ATXN10: variants seen among roughly 807,000 people sequenced by gnomAD.
ATXN10 encodes the protein ataxin 10.
Under a neutral mutation model 52.9 loss-of-function variants are expected in ATXN10, and 28 were observed. That is an observed-to-expected ratio of 0.53 (90% CI 0.39 to 0.73). The LOEUF (loss-of-function observed/expected upper bound fraction) is 0.73, where lower values mean the gene tolerates loss of function less well. Among genes scored for constraint, ATXN10 ranks in the 30% least tolerant of loss-of-function variants. ATXN10 has a pLI of 0.00. For missense variants in ATXN10, 565 were observed against 577.0 expected, an observed-to-expected ratio of 0.98 and a Z score of 0.21; for synonymous variants, 226 against 221.5, an observed-to-expected ratio of 1.02 and a Z score of -0.18.
At position 45,688,719 on chromosome 22, in the gene ATXN10, GA is replaced by G. The variant is rs1923247253; in HGVS notation, c.117-990del. ...TGCTGGTCTGGCTCAATCCAAGGGTGAAAGGTAGGGCACTGTGAATCTACAG... is the reference window on the plus strand; with the variant it reads ...TGCTGGTCTGGCTCAATCCAAGGGTGAAGGTAGGGCACTGTGAATCTACAG... On this transcript the variant is annotated intron_variant, in intron 1 of 11. Transcript: ENST00000252934. The surrounding 1 kb of genome is among the most constrained non-coding windows in gnomAD (Gnocchi z 4.0). Among the ~76,000 whole-genome samples, 1 of 152,236 alleles carries G rather than the reference GA, an allele frequency of 6.6e-6. No homozygotes were observed. The highest frequency in any genetic ancestry group is 2.4e-5 in the African/African-American group (1 of 41,458).
chr22:45,695,462 C>G (rs183154947), intron 3 of ATXN10, among the ~76,000 whole-genome samples: 1 of 151,504 alleles, frequency 6.6e-6, no homozygotes, highest in African/African-American at 2.4e-5. Context: ...AGTTTTAATG[C>G]CTGTACTTTG....
chr22:45,715,872 CTT>C lies in ATXN10; in HGVS notation c.648-2538_648-2537del, dbSNP rs1379444821. 2.6e-5 allele frequency among the ~76,000 whole-genome samples: 4 copies of C among 152,272 alleles called. No homozygotes were observed. Among genetic ancestry groups the C allele is most frequent in the Non-Finnish European group, 4.4e-5 (3 of 68,028 alleles). ...AGATGATTTCTAGAAAAATTCCAAA[CTT>C]TTGGAAATTAACACATCTGATTGAT... On this transcript the variant is annotated intron_variant, in intron 5 of 11. Coordinates refer to ENST00000252934, the MANE Select transcript of ATXN10 (RefSeq NM_013236.4). The surrounding 1 kb of genome is among the most constrained non-coding windows in gnomAD (Gnocchi z 4.4).
rs568320751 is a variant in ATXN10 at position 45,839,676 on chromosome 22, C to T, written c.1238-3315C>T. On this transcript the variant is annotated intron_variant, in intron 10 of 11. Coordinates refer to ENST00000252934, the MANE Select transcript of ATXN10 (RefSeq NM_013236.4). ...TCACAAAACGTGATAGAAATGTTGC[C>T]CTCCAACCCCAAGATGAACATGATG... is the stretch of plus-strand genomic sequence containing the variant. Among the ~76,000 whole-genome samples, 3 of 152,254 alleles carry T rather than the reference C, an allele frequency of 2.0e-5. No homozygotes were observed. In the South Asian group the frequency reaches 6.2e-4, roughly 32 times the overall value.
At position 45,757,550 on chromosome 22, in the gene ATXN10, T is replaced by G. The variant is rs1174397847; in HGVS notation, c.1173+17012T>G. ...GAGGGAGAAAGAAATGGGTTCTTTC[T>G]CTGTATTCTCTAAGATAGATTTGTT... On this transcript the variant is annotated intron_variant, in intron 9 of 11. Transcript: ENST00000252934. The surrounding 1 kb of genome is among the most constrained non-coding windows in gnomAD (Gnocchi z 4.6). Among the ~76,000 whole-genome samples, 1 of 152,136 alleles carries G rather than the reference T, an allele frequency of 6.6e-6. No homozygotes were observed. The highest frequency in any genetic ancestry group is 1.5e-5 in the Non-Finnish European group (1 of 68,020).
At chr22:45,692,277 C>T (rs542590935) in intron 2 of ATXN10, among the ~76,000 whole-genome samples, 4 of 151,988 alleles carry the variant, frequency 2.6e-5, no homozygotes, top group Non-Finnish European at 5.9e-5. Context: ...AGTAAGTTAT[C>T]GGTGGTCTTT....
intron 4 of ATXN10, among the ~76,000 whole-genome samples, 174 bp from the exon 5 acceptor site, chr22:45,702,515 A>C (rs528507430): frequency 3.5e-4 from 53 of 152,316 alleles, no homozygotes; most frequent in South Asian, 1.0e-3. Context: ...TTTTATTGTG[A>C]CTAAGTTTAT....
intron 9 of ATXN10, among the ~76,000 whole-genome samples, chr22:45,791,503 A>G: frequency 6.6e-6 from 1 of 152,128 alleles, no homozygotes; most frequent in Non-Finnish European, 1.5e-5. Flanking sequence ...AAAAATCATA[A>G]ATAGGGGCTA....
At chr22:45,689,361 G>C in intron 1 of ATXN10, 1 of 358,176 alleles carries the variant, frequency 2.8e-6, no homozygotes, top group Non-Finnish European at 5.4e-6. Context: ...GCTCAGGCCA[G>C]AGTGCTTCAC....
At position 45,696,805 on chromosome 22, in the gene ATXN10, G is replaced by A. The variant is rs1923626068; in HGVS notation, c.392-3477G>A. 6.6e-6 allele frequency among the ~76,000 whole-genome samples: 1 copy of A among 152,202 alleles called. No individual in the cohort carries two copies. Among genetic ancestry groups the A allele is most frequent in the Non-Finnish European group, 1.5e-5 (1 of 68,038 alleles). The stretch of plus-strand genomic sequence containing the variant: ...CTTCACAGGATTACTTTCCACTGAA[G>A]CAGGTAGATGACCTAAGAAAAAATT... On this transcript the variant is annotated intron_variant, in intron 3 of 11. Transcript: ENST00000252934. This position sits in a 1 kb window ranked among gnomAD's most constrained non-coding sequence, Gnocchi z 4.7.
At chr22:45,734,618 G>C (rs1925219929) in intron 7 of ATXN10, among the ~76,000 whole-genome samples, 1 of 150,524 alleles carries the variant, frequency 6.6e-6, no homozygotes, top group Non-Finnish European at 1.5e-5. Context: ...TTAGATTGTG[G>C]AAATACAAAC....
rs1278754655 is a variant in ATXN10 at position 45,705,607 on chromosome 22, T to C, written c.647+2760T>C. ...GCCACCACACCCGGCTAATTTTTTT[T>C]GTATTTTTAGTAGAGACGGGGTTTC... On this transcript the variant is annotated intron_variant, in intron 5 of 11. Coordinates refer to ENST00000252934, the MANE Select transcript of ATXN10 (RefSeq NM_013236.4). This position sits in a 1 kb window ranked among gnomAD's most constrained non-coding sequence, Gnocchi z 5.2. Among the ~76,000 whole-genome samples, 1 of 152,266 alleles carries C rather than the reference T, an allele frequency of 6.6e-6. No individual in the cohort carries two copies. Among genetic ancestry groups the C allele is most frequent in the East Asian group, 1.9e-4 (1 of 5,178 alleles).
rs1239577125 is a variant in ATXN10, at chr22:45,733,350, C to T, written c.894+3760C>T. On this transcript the variant is annotated intron_variant, in intron 7 of 11. Coordinates refer to ENST00000252934, the MANE Select transcript of ATXN10 (RefSeq NM_013236.4). This position sits in a 1 kb window ranked among gnomAD's most constrained non-coding sequence, Gnocchi z 4.4. ...TCTACAATAAATAGTGTATTTTTTC[C>T]ACATATTAAGGGCTTAAATTTTTGT... Among the ~76,000 whole-genome samples, 2 of 151,946 alleles carry T rather than the reference C, an allele frequency of 1.3e-5. No homozygotes were observed. Among genetic ancestry groups the T allele is most frequent in the African/African-American group, 2.4e-5 (1 of 41,376 alleles).
intron 5 of ATXN10, among the ~76,000 whole-genome samples, chr22:45,710,808 T>C (rs957991042): frequency 2.0e-4 from 31 of 152,324 alleles, no homozygotes; most frequent in African/African-American, 7.5e-4. Context: ...TCTGGCCCTT[T>C]ATGGAAAAGT....
At chr22:45,709,975 C>G (rs1395768173) in intron 5 of ATXN10, among the ~76,000 whole-genome samples, 2 of 152,226 alleles carry the variant, frequency 1.3e-5, no homozygotes, top group African/African-American at 4.8e-5. Flanking sequence ...CATTCACCTA[C>G]TTCATGCCTC....
intron 1 of ATXN10, among the ~76,000 whole-genome samples, chr22:45,687,827 G>A (rs1302045208): frequency 6.6e-6 from 1 of 152,202 alleles, no homozygotes; most frequent in Admixed American, 6.5e-5. Flanking sequence ...TTGGGAGGCC[G>A]AGGTAGGCAG....
In ATXN10 at chr22:45,769,179, T is replaced by C. The variant is rs970194583; in HGVS notation, c.1173+28641T>C. ...GTTAAAAATTTTTAAAGAGTTGTTA[T>C]TGTTGTTGACCCGAGGTTGAGAGCT... is the stretch of plus-strand genomic sequence containing the variant. On this transcript the variant is annotated intron_variant, in intron 9 of 11. Coordinates refer to ENST00000252934, the MANE Select transcript of ATXN10 (RefSeq NM_013236.4). The surrounding 1 kb of genome is among the most constrained non-coding windows in gnomAD (Gnocchi z 4.2). Among the ~76,000 whole-genome samples, 1 of 152,126 alleles carries C rather than the reference T, an allele frequency of 6.6e-6. No individual in the cohort carries two copies. Among genetic ancestry groups the C allele is most frequent in the Non-Finnish European group, 1.5e-5 (1 of 68,032 alleles).
At chr22:45,827,874 G>A (rs1285011590) in intron 10 of ATXN10, among the ~76,000 whole-genome samples, 1 of 152,146 alleles carries the variant, frequency 6.6e-6, no homozygotes, top group Non-Finnish European at 1.5e-5. Context: ...TGTATATTAG[G>A]TAACAAATTA....
At chr22:45,808,189 G>C (rs745738110) in intron 10 of ATXN10, among the ~76,000 whole-genome samples, 1 of 152,158 alleles carries the variant, frequency 6.6e-6, no homozygotes. Flanking sequence ...GCTCATTAAA[G>C]AGTGTTGACA....
rs999034778 is a variant in ATXN10 at position 45,715,397 on chromosome 22, A to G, written c.648-3016A>G. Among the ~76,000 whole-genome samples the G allele has an allele frequency of 6.6e-6, 1 of 152,222 alleles. No homozygotes were observed. The highest frequency in any genetic ancestry group is 6.5e-5 in the Admixed American group (1 of 15,280). On this transcript the variant is annotated intron_variant, in intron 5 of 11. Transcript: ENST00000252934. The surrounding 1 kb of genome is among the most constrained non-coding windows in gnomAD (Gnocchi z 4.4). ...AAATATCAGTATAGACTGATGTTTT[A>G]TACATTATATAAACATGATGATATG...
Sources: allele counts gnomAD v4.1 joint callset (sites outside exome capture counted in the v4.1 genomes callset), GRCh38; gene constraint gnomAD v4.1.1; non-coding constraint Gnocchi (gnomAD v3.1); transcripts MANE v1.5; gene names NCBI Gene and HGNC (gene_info 2026-07-23, HGNC 2026-07-21).